The following GRID2 variants were observed in gnomAD, a reference collection of about 807,000 sequenced individuals.
GRID2 encodes glutamate receptor ionotropic, delta-2.
GRID2 carries 33 observed loss-of-function variants against 114.8 expected under a neutral mutation model. The observed-to-expected ratio is 0.29, with a 90% confidence interval of 0.22 to 0.38. GRID2 has a LOEUF of 0.38. Among genes scored for constraint, GRID2 ranks in the 10% least tolerant of loss-of-function variants. The pLI is 1.00. For synonymous variants in GRID2, 505 were observed against 449.9 expected (o/e 1.12, Z -1.55); for missense variants, 1,184 against 1,257.7 (o/e 0.94, Z 0.89).
chr4:93,054,363 G>GA lies in GRID2; in HGVS notation c.245-30622dup, dbSNP rs138818838. Among the ~76,000 whole-genome samples, 1,143 of 147,574 alleles carry GA rather than the reference G, an allele frequency of 7.7e-3. 19 individuals are homozygous for GA. The highest frequency in any genetic ancestry group is 0.023 in the African/African-American group (928 of 40,562). The stretch of plus-strand genomic sequence containing the variant: ...TTATATTATTGTAATATTGTTTAAA[G>GA]AAAAAAAAAACTAGCACAGTAGGAA... On this transcript the variant is annotated intron_variant, in intron 2 of 15. Transcript: ENST00000282020.
intron 12 of GRID2, among the ~76,000 whole-genome samples, chr4:93,498,173 G>A (rs1271057008): frequency 2.6e-5 from 4 of 151,934 alleles, no homozygotes; most frequent in African/African-American, 9.6e-5. Flanking sequence ...TTTCCTCACA[G>A]TTCTGGATGC....
At chr4:93,286,881 A>G (rs1309561382) in intron 8 of GRID2, among the ~76,000 whole-genome samples, 1 of 152,168 alleles carries the variant, frequency 6.6e-6, no homozygotes, top group Non-Finnish European at 1.5e-5. Flanking sequence ...TCTGAAATTA[A>G]TAATTAGGGG....
chr4:92,412,457 T>G (rs571951909), intron 1 of GRID2, among the ~76,000 whole-genome samples: 1 of 152,272 alleles, frequency 6.6e-6, no homozygotes, highest in African/African-American at 2.4e-5. Flanking sequence ...ACATTTATAT[T>G]TTTCTCTAGA....
At chr4:92,463,200 T>C (rs1264900034) in intron 1 of GRID2, among the ~76,000 whole-genome samples, 1 of 151,948 alleles carries the variant, frequency 6.6e-6, no homozygotes, top group Non-Finnish European at 1.5e-5. Context: ...GTTTTTTAAT[T>C]TCTGTTTCAG....
intron 13 of GRID2, among the ~76,000 whole-genome samples, chr4:93,585,445 G>A (rs901573605): frequency 6.6e-6 from 1 of 151,958 alleles, no homozygotes; most frequent in Non-Finnish European, 1.5e-5. Flanking sequence ...TTCAATTAGG[G>A]CATCAACAAG....
intron 2 of GRID2, among the ~76,000 whole-genome samples, chr4:92,946,928 G>A (rs1751682621): frequency 6.6e-6 from 1 of 152,000 alleles, no homozygotes; most frequent in African/African-American, 2.4e-5. Flanking sequence ...ATTGCCTGGA[G>A]AACCACTATT....
chr4:92,840,603 T>A (rs1291848515), intron 2 of GRID2, among the ~76,000 whole-genome samples: 1 of 152,086 alleles, frequency 6.6e-6, no homozygotes, highest in Admixed American at 6.6e-5. Context: ...TTCAAGAAAT[T>A]CTACGTGAAA....
At chr4:92,598,617 T>G (rs1729061692) in intron 2 of GRID2, among the ~76,000 whole-genome samples, 1 of 152,156 alleles carries the variant, frequency 6.6e-6, no homozygotes, top group African/African-American at 2.4e-5. Flanking sequence ...TGTCTTATTA[T>G]CTGTGGGCCC....
chr4:92,380,117 G>A (rs1207515982), intron 1 of GRID2, among the ~76,000 whole-genome samples: 2 of 151,846 alleles, frequency 1.3e-5, no homozygotes, highest in African/African-American at 4.8e-5. Flanking sequence ...CATCAGCAAA[G>A]CAAGGCTAAC....
intron 2 of GRID2, among the ~76,000 whole-genome samples, chr4:92,979,309 T>G (rs1464706344): frequency 1.3e-5 from 2 of 152,026 alleles, no homozygotes; most frequent in Admixed American, 6.6e-5. Flanking sequence ...ATACTAGATA[T>G]TTAAAATCAA....
In GRID2 at chr4:93,407,825, T is replaced by TCTCCTC. The variant is rs141411355; in HGVS notation, c.1347+12134_1347+12139dup. 5.7e-3 allele frequency among the ~76,000 whole-genome samples: 671 copies of TCTCCTC among 117,504 alleles called. 4 individuals carry two copies. Among genetic ancestry groups the TCTCCTC allele is most frequent in the African/African-American group, 0.02 (624 of 31,946 alleles). 77.1% of individuals were successfully genotyped at this position (117,504 alleles called of 152,430 possible). A position where few individuals can be genotyped will look rare whatever the true frequency, so the allele number is the denominator to read the frequency against. On this transcript the variant is annotated intron_variant, in intron 9 of 15. Transcript: ENST00000282020. The stretch of plus-strand genomic sequence containing the variant: ...TCCTCCTCCTCTTCCTCCTCCTCCT[T>TCTCCTC]CTCCTCCTCCTCCTCCTCCTCCACC...
intron 2 of GRID2, among the ~76,000 whole-genome samples, chr4:92,941,706 A>G (rs1751147060): frequency 6.6e-6 from 1 of 152,072 alleles, no homozygotes; most frequent in Admixed American, 6.6e-5. Context: ...GTGGGCATTG[A>G]GTGCTGCAAA....
intron 2 of GRID2, among the ~76,000 whole-genome samples, chr4:92,662,145 A>G (rs1376251216): frequency 1.3e-5 from 2 of 151,070 alleles, no homozygotes; most frequent in African/African-American, 4.8e-5. Flanking sequence ...TGAAAAAGTA[A>G]ATCATTATTA....
chr4:92,584,288 T>A (rs1728319843), intron 1 of GRID2, among the ~76,000 whole-genome samples: 1 of 151,976 alleles, frequency 6.6e-6, no homozygotes, highest in South Asian at 2.1e-4. Context: ...GGAATGCCAT[T>A]TGTAGATGAA....
intron 14 of GRID2, among the ~76,000 whole-genome samples, chr4:93,723,091 C>G (rs1475108659): frequency 6.6e-6 from 1 of 152,174 alleles, no homozygotes; most frequent in African/African-American, 2.4e-5. Flanking sequence ...TAAGCTTCAA[C>G]ACATTATTCA....
intron 2 of GRID2, among the ~76,000 whole-genome samples, chr4:92,858,124 A>G (rs776507713): frequency 3.9e-5 from 6 of 152,236 alleles, no homozygotes; most frequent in African/African-American, 9.6e-5. Flanking sequence ...TGGTCAACCT[A>G]GACCTCTGAT....
At chr4:93,190,544 C>T (rs945554907) in intron 4 of GRID2, among the ~76,000 whole-genome samples, 10 of 152,124 alleles carry the variant, frequency 6.6e-5, no homozygotes, top group African/African-American at 2.4e-4. Context: ...ATCCAACTCT[C>T]AACCCTAAAA....
At chr4:93,476,761 C>A (rs1288246370) in intron 11 of GRID2, among the ~76,000 whole-genome samples, 1 of 152,008 alleles carries the variant, frequency 6.6e-6, no homozygotes, top group Non-Finnish European at 1.5e-5. Context: ...TTCTGGGAGT[C>A]AATAAGTGTT....
chr4:92,530,898 C>G (rs773043965), intron 1 of GRID2, among the ~76,000 whole-genome samples: 39 of 151,878 alleles, frequency 2.6e-4, no homozygotes, highest in Admixed American at 1.2e-3. Flanking sequence ...CAGAGTGAGA[C>G]TCCATCTTGG....
Sources: gnomAD v4.1 joint callset for allele counts (sites outside exome capture counted in the v4.1 genomes callset) on GRCh38, gnomAD v4.1.1 for gene constraint, MANE v1.5 for transcripts, NCBI Gene and HGNC (gene_info 2026-07-23, HGNC 2026-07-21) for gene names.